Variants in GRIK1 observed in about 807,000 individuals in gnomAD.
The protein encoded by GRIK1 is glutamate receptor ionotropic, kainate 1.
GRIK1 carries 69 observed loss-of-function variants against 105.7 expected under a neutral mutation model. That is an observed-to-expected ratio of 0.65 (90% CI 0.54 to 0.80). The LOEUF is 0.80. Ranked by LOEUF, GRIK1 falls within the 30% of genes least tolerant of loss-of-function variation. The probability of loss-of-function intolerance (pLI) is 0.00; values close to 1 mark genes in which losing one functional copy is unlikely to be tolerated. For missense variants in GRIK1, 1,109 were observed against 1,167.3 expected, an observed-to-expected ratio of 0.95 and a Z score of 0.73; for synonymous variants, 438 against 431.3, an observed-to-expected ratio of 1.02 and a Z score of -0.19.
intron 7 of GRIK1, among the ~76,000 whole-genome samples, chr21:29,630,134 C>T (rs550684264): frequency 6.6e-5 from 10 of 152,068 alleles, no homozygotes; most frequent in East Asian, 1.9e-4. Context: ...GTATTCTAGA[C>T]GGTTTTGAAA....
rs1205820972 is a variant in GRIK1, at chr21:29,929,172, T to C, written c.118+10211A>G. Among the ~76,000 whole-genome samples, 4 of 152,100 alleles carry C rather than the reference T, an allele frequency of 2.6e-5. No individual in the cohort carries two copies. The East Asian group carries it at 7.7e-4, about 29-fold the overall frequency. On this transcript the variant is annotated intron_variant, in intron 1 of 17. Coordinates refer to ENST00000327783, the MANE Select transcript of GRIK1 (RefSeq NM_001330994.2). ...CCATTACCTGCTCACCACTCACTAG[T>C]CTCCGATAAAGGGTTGGATTTACTA...
chr21:29,748,904 A>C (rs2065112386), intron 1 of GRIK1: 1 of 152,226 alleles, frequency 6.6e-6, no homozygotes, highest in South Asian at 2.1e-4. Context: ...GGCAGCGAAC[A>C]AGAGCCTTCT....
At chr21:29,730,192 G>A (rs945202657) in intron 1 of GRIK1, among the ~76,000 whole-genome samples, 14 of 151,978 alleles carry the variant, frequency 9.2e-5, no homozygotes, top group Admixed American at 2.6e-4. Flanking sequence ...ACATAATTGC[G>A]GTATAAATTT....
intron 1 of GRIK1, among the ~76,000 whole-genome samples, chr21:29,808,324 G>A (rs756549276): frequency 2.3e-4 from 35 of 152,098 alleles, no homozygotes; most frequent in Non-Finnish European, 5.1e-4. Flanking sequence ...CCGAATAGCT[G>A]GAAATAAATC....
chr21:29,596,472 T>G, intron 9 of GRIK1, 54 bp downstream of exon 9: 72 of 1,206,930 alleles, frequency 6.0e-5, no homozygotes, highest in Non-Finnish European at 8.2e-5. Context: ...GCCTTTCCAA[T>G]GACATTCCCC....
At chr21:29,880,026 T>C (rs1015622418) in intron 1 of GRIK1, among the ~76,000 whole-genome samples, 5 of 152,148 alleles carry the variant, frequency 3.3e-5, no homozygotes, top group Non-Finnish European at 7.4e-5. Context: ...CTTCATATTA[T>C]GGTGGGACTA....
At chr21:29,842,111 C>A (rs2067999709) in intron 1 of GRIK1, among the ~76,000 whole-genome samples, 1 of 152,132 alleles carries the variant, frequency 6.6e-6, no homozygotes, top group South Asian at 2.1e-4. Flanking sequence ...ATACGTAATG[C>A]ATTACAAAGC....
At chr21:29,637,097 A>C (rs1050482438) in intron 7 of GRIK1, among the ~76,000 whole-genome samples, 1 of 152,172 alleles carries the variant, frequency 6.6e-6, no homozygotes, top group African/African-American at 2.4e-5. Flanking sequence ...GGCCACTGAG[A>C]TTATAGACAA....
At chr21:29,591,407 T>G (rs528267611) in intron 9 of GRIK1, among the ~76,000 whole-genome samples, 182 bp from the exon 10 acceptor site, 53 of 152,130 alleles carry the variant, frequency 3.5e-4, no homozygotes, top group African/African-American at 1.2e-3. Context: ...GTAGACAAAA[T>G]AGGATATATC....
chr21:29,769,818 C>T (rs2065769033), intron 1 of GRIK1, among the ~76,000 whole-genome samples: 2 of 152,140 alleles, frequency 1.3e-5, no homozygotes, highest in African/African-American at 2.4e-5. Context: ...ACCCTGCTAA[C>T]ATCTTGATTT....
rs1432532600 is a variant in GRIK1 at position 29,537,135 on chromosome 21, G to A, written c.*95C>T. 5.8e-5 allele frequency: 44 copies of A among 753,972 alleles called. No individual in the cohort carries two copies. The East Asian group carries it at 1.2e-3, about 21-fold the overall frequency. The allele number at this position is 753,972 out of a possible 1,614,324, so 46.7% of individuals were successfully genotyped here. A position where few individuals can be genotyped will look rare whatever the true frequency, so the allele number is the denominator to read the frequency against. ...ATTCATAATCAGAGTTATGGATATA[G>A]ATATATGGAAACACATCACACACTC... On this transcript the variant is annotated 3_prime_UTR_variant, in exon 18 of 18. Transcript: ENST00000327783.
chr21:29,707,821 AC>A lies in GRIK1; in HGVS notation c.119-13759del, dbSNP rs541822677. Reference sequence around the variant, plus strand: ...TTTCTCCTGTCATTTTCACATAGGTACCTCTTCCTGAACATAATCCACCTTT... The same window carrying A: ...TTTCTCCTGTCATTTTCACATAGGTACTCTTCCTGAACATAATCCACCTTT... On this transcript the variant is annotated intron_variant, in intron 1 of 17. Transcript: ENST00000327783. Among the ~76,000 whole-genome samples the A allele has an allele frequency of 3.3e-3, 496 of 152,034 alleles. 2 individuals carry two copies. The highest frequency in any genetic ancestry group is 0.012 in the African/African-American group (479 of 41,420).
At chr21:29,898,291 A>T (rs1601977109) in intron 1 of GRIK1, among the ~76,000 whole-genome samples, 1 of 152,204 alleles carries the variant, frequency 6.6e-6, no homozygotes, top group African/African-American at 2.4e-5. Context: ...CTCAGCCAAC[A>T]TTCCTAAGTG....
chr21:29,721,774 A>G (rs1326577382), intron 1 of GRIK1, among the ~76,000 whole-genome samples: 1 of 152,188 alleles, frequency 6.6e-6, no homozygotes, highest in Admixed American at 6.5e-5. Flanking sequence ...ATTGAAGTCT[A>G]GAAAAACTAT....
At chr21:29,587,964 CTTTTTTTTTTTT>C (rs568648777) in intron 11 of GRIK1, among the ~76,000 whole-genome samples, 4 of 65,406 alleles carry the variant, frequency 6.1e-5, no homozygotes, top group Non-Finnish European at 5.5e-5. Context: ...CTTTAAAATT[CTTTTTTTTTTTT>C]TTTTTTTTTT....
chr21:29,705,453 GGACAGTTTTCCTTGTAACCGT>G (rs1405777230), intron 1 of GRIK1, among the ~76,000 whole-genome samples: 6 of 152,172 alleles, frequency 3.9e-5, no homozygotes, highest in African/African-American at 1.4e-4. Flanking sequence ...TTTGATGATA[GGACAGTTTTCCTTGTAACCGT>G]GACATGCAGT....
intron 1 of GRIK1, among the ~76,000 whole-genome samples, chr21:29,839,543 A>G (rs1198587531): frequency 1.3e-5 from 2 of 152,350 alleles, no homozygotes; most frequent in Non-Finnish European, 2.9e-5. Flanking sequence ...CAGTTACAAA[A>G]GGGAAAAAGT....
chr21:29,701,001 G>A (rs112612973), intron 1 of GRIK1, among the ~76,000 whole-genome samples: 6,687 of 152,190 alleles, frequency 0.044, 215 homozygotes, highest in Non-Finnish European at 0.068. Flanking sequence ...ATATTCCAAC[G>A]ATAACCATTT....
intron 1 of GRIK1, among the ~76,000 whole-genome samples, chr21:29,871,558 G>A (rs542520017): frequency 7.2e-5 from 11 of 152,166 alleles, no homozygotes; most frequent in African/African-American, 2.4e-4. Context: ...TACCACGAAG[G>A]AGCTTTCAGT....
Sources: gnomAD v4.1 joint callset for allele counts (sites outside exome capture counted in the v4.1 genomes callset) on GRCh38, gnomAD v4.1.1 for gene constraint, MANE v1.5 for transcripts, NCBI Gene and HGNC (gene_info 2026-07-23, HGNC 2026-07-21) for gene names.